The following IL1R1 variants were observed in gnomAD, a reference collection of about 807,000 sequenced individuals.
IL1R1 encodes the protein interleukin 1 receptor type 1.
In IL1R1, 22 loss-of-function variants were observed where a neutral mutation model predicts 50.2. That is an observed-to-expected ratio of 0.44 (90% CI 0.31 to 0.63). The LOEUF is 0.63. Ranked by LOEUF, IL1R1 falls within the 20% of genes least tolerant of loss-of-function variation. IL1R1 has a pLI of 0.07. For missense variants in IL1R1, 509 were observed against 676.2 expected, an observed-to-expected ratio of 0.75 and a Z score of 2.74; for synonymous variants, 251 against 236.7, an observed-to-expected ratio of 1.06 and a Z score of -0.55.
intron 1 of IL1R1, among the ~76,000 whole-genome samples, chr2:102,078,004 TA>T (rs1679046493): frequency 6.6e-6 from 1 of 151,954 alleles, no homozygotes; most frequent in Non-Finnish European, 1.5e-5. Context: ...AAAGAGAAAT[TA>T]AAAATACTGT....
chr2:102,157,563 A>G (rs978558194), intron 2 of IL1R1, among the ~76,000 whole-genome samples, 156 bp from the exon 3 acceptor site: 2 of 152,256 alleles, frequency 1.3e-5, no homozygotes, highest in Non-Finnish European at 2.9e-5. Flanking sequence ...CAGAAGTCAA[A>G]TATGACAACA....
intron 1 of IL1R1, among the ~76,000 whole-genome samples, chr2:102,096,499 G>A (rs1679908466): frequency 6.6e-6 from 1 of 151,826 alleles, no homozygotes; most frequent in Non-Finnish European, 1.5e-5. Flanking sequence ...TAGTTTATTG[G>A]CCTTTCAGGT....
chr2:102,135,584 A>G (rs527809002), intron 1 of IL1R1, among the ~76,000 whole-genome samples: 30 of 152,344 alleles, frequency 2.0e-4, no homozygotes, highest in Non-Finnish European at 3.8e-4. Context: ...ATACAGAACG[A>G]ATGATCACCT....
chr2:102,168,776 C>T, intron 7 of IL1R1, 113 bp downstream of exon 7: 1 of 732,116 alleles, frequency 1.4e-6, no homozygotes, highest in Non-Finnish European at 2.3e-6. Context: ...CTGTATAAAT[C>T]TATCAATGGA....
At chr2:102,087,528 T>A (rs1679480829) in intron 1 of IL1R1, among the ~76,000 whole-genome samples, 1 of 152,220 alleles carries the variant, frequency 6.6e-6, no homozygotes, top group African/African-American at 2.4e-5. Flanking sequence ...AAATCTAATG[T>A]CAAATTGTAA....
chr2:102,109,746 G>A (rs779446076), intron 1 of IL1R1, among the ~76,000 whole-genome samples: 19 of 152,086 alleles, frequency 1.2e-4, no homozygotes, highest in Non-Finnish European at 2.8e-4. Context: ...ACCTAGACTC[G>A]ATGGGCGTTT....
intron 1 of IL1R1, among the ~76,000 whole-genome samples, chr2:102,127,678 TG>T: frequency 6.6e-6 from 1 of 151,740 alleles, no homozygotes; most frequent in African/African-American, 2.4e-5. Flanking sequence ...TGTGTGTGTG[TG>T]TGTGTGTGTG....
chr2:102,078,544 A>C lies in IL1R1; in HGVS notation c.-84+8011A>C, dbSNP rs887418970. ...GGACTATAATAAATAAAGACACTGA[A>C]TTAGCAGTCAAAAAACTTCACACAC... On this transcript the variant is annotated intron_variant, in intron 1 of 11. Coordinates refer to the IL1R1 transcript ENST00000409929. Among the ~76,000 whole-genome samples, 55 of 148,484 alleles carry C rather than the reference A, an allele frequency of 3.7e-4. 1 individual carries two copies. Among genetic ancestry groups the C allele is most frequent in the Non-Finnish European group, 7.5e-5 (5 of 67,098 alleles).
At chr2:102,150,812 A>G (rs989029736) in intron 1 of IL1R1, among the ~76,000 whole-genome samples, 1 of 152,200 alleles carries the variant, frequency 6.6e-6, no homozygotes, top group Non-Finnish European at 1.5e-5. Flanking sequence ...GGAAGCTGCT[A>G]TGGAGAGGAT....
intron 7 of IL1R1, 48 bp from the exon 8 acceptor site, chr2:102,171,753 A>G (rs762553148): frequency 6.4e-6 from 7 of 1,093,714 alleles, no homozygotes; most frequent in Non-Finnish European, 9.5e-6. Context: ...ATCTAGATAG[A>G]TCAGAAAAAA....
chr2:102,140,544 G>C (rs1682587452), upstream of IL1R1, among the ~76,000 whole-genome samples: 1 of 152,216 alleles, frequency 6.6e-6, no homozygotes, highest in Non-Finnish European at 1.5e-5. Context: ...TGGGCCATTG[G>C]ATTGCATCAC....
intron 1 of IL1R1, among the ~76,000 whole-genome samples, chr2:102,122,085 C>T (rs6713468): frequency 0.42 from 63,607 of 152,018 alleles, 15,261 homozygotes; most frequent in African/African-American, 0.67. Flanking sequence ...ACACATGGGG[C>T]TGGACCACCT....
chr2:102,168,366 C>T (rs543162214), intron 6 of IL1R1, among the ~76,000 whole-genome samples: 3 of 152,280 alleles, frequency 2.0e-5, no homozygotes, highest in African/African-American at 4.8e-5. Flanking sequence ...CAGTAGCACC[C>T]CACTCTATGA....
intron 1 of IL1R1, among the ~76,000 whole-genome samples, chr2:102,073,474 A>G (rs1278178915): frequency 6.6e-6 from 1 of 152,188 alleles, no homozygotes; most frequent in Non-Finnish European, 1.5e-5. Context: ...AATCTCAGTG[A>G]TGAGTTCCTT....
At position 102,110,890 on chromosome 2, in the gene IL1R1, G is replaced by A. The variant is rs181408495; in HGVS notation, c.-84+6018G>A. Among the ~76,000 whole-genome samples, 5 of 152,260 alleles carry A rather than the reference G, an allele frequency of 3.3e-5. No homozygotes were observed. The East Asian group carries it at 9.6e-4, about 29-fold the overall frequency. On this transcript the variant is annotated intron_variant, in intron 1 of 10. Coordinates refer to the IL1R1 transcript ENST00000409329. ...TGTGAAAGAAACACAGAGACAGAAG[G>A]CTGCAGAGACAGCGAGTAGGGAGCC... is the stretch of plus-strand genomic sequence containing the variant.
At chr2:102,112,070 C>T (rs1308809554) in intron 1 of IL1R1, among the ~76,000 whole-genome samples, 2 of 151,830 alleles carry the variant, frequency 1.3e-5, no homozygotes, top group Non-Finnish European at 2.9e-5. Context: ...TGCTGGCCAC[C>T]CTGGTTCCAT....
At chr2:102,132,935 A>C (rs987831157) in intron 1 of IL1R1, among the ~76,000 whole-genome samples, 2 of 152,212 alleles carry the variant, frequency 1.3e-5, no homozygotes, top group Non-Finnish European at 2.9e-5. Context: ...TCTACTAAAG[A>C]AATTGAATTT....
intron 1 of IL1R1, among the ~76,000 whole-genome samples, chr2:102,118,459 C>T (rs986828741): frequency 2.3e-4 from 35 of 152,198 alleles, no homozygotes; most frequent in African/African-American, 7.7e-4. Flanking sequence ...ATTATGAAAT[C>T]CAAGGATGGG....
chr2:102,081,516 A>T (rs886087753), intron 1 of IL1R1, among the ~76,000 whole-genome samples: 7 of 152,180 alleles, frequency 4.6e-5, no homozygotes, highest in African/African-American at 1.7e-4. Context: ...ATGAGGATTG[A>T]GTTAGACTAA....
Sources: allele counts gnomAD v4.1 joint callset (sites outside exome capture counted in the v4.1 genomes callset), GRCh38; gene constraint gnomAD v4.1.1; transcripts MANE v1.5; gene names NCBI Gene and HGNC (gene_info 2026-07-23, HGNC 2026-07-21).